GALNTL6: variants seen among roughly 807,000 people sequenced by gnomAD.
GALNTL6 encodes the protein polypeptide N-acetylgalactosaminyltransferase like 6.
Under a neutral mutation model 73.7 loss-of-function variants are expected in GALNTL6, and 46 were observed. The ratio of observed to expected loss-of-function variants is 0.62; its 90% CI spans 0.49 to 0.80. GALNTL6 has a LOEUF of 0.80. GALNTL6 is among the 30% of genes least tolerant of loss of function. The pLI, the probability that GALNTL6 is intolerant of heterozygous loss-of-function variation, is 0.00. For synonymous variants in GALNTL6, 259 were observed against 263.7 expected (o/e 0.98, Z 0.17); for missense variants, 604 against 755.0 (o/e 0.80, Z 2.34).
chr4:172,859,046 G>GA (rs67296281), intron 7 of GALNTL6, among the ~76,000 whole-genome samples: 65,855 of 139,830 alleles, frequency 0.47, 17,835 homozygotes, highest in East Asian at 0.8. Context: ...GAGTGGTCAG[G>GA]AAAAAAAAAA....
intron 3 of GALNTL6, among the ~76,000 whole-genome samples, chr4:172,246,451 C>A (rs1565557): frequency 0.52 from 78,230 of 151,860 alleles, 21,951 homozygotes; most frequent in East Asian, 0.86. Flanking sequence ...AGTTTACAAA[C>A]AAAGACATTA....
Position 172,527,291 on chromosome 4 carries a change from C to G in GALNTL6, c.553+178602C>G, listed in dbSNP as rs2110834712. On this transcript the variant is annotated intron_variant, in intron 5 of 12. Coordinates refer to ENST00000506823, the MANE Select transcript of GALNTL6 (RefSeq NM_001034845.3). ...TCCTACCAAGAGCCTTACCCTTCAT[C>G]TGATGGAATGGCTGATTGTAGACAC... 2.6e-5 allele frequency among the ~76,000 whole-genome samples: 4 copies of G among 152,262 alleles called. No individual in the cohort carries two copies. The Middle Eastern group carries it at 0.014, about 518-fold the overall frequency.
chr4:171,960,084 G>A (rs79520975), intron 2 of GALNTL6, among the ~76,000 whole-genome samples: 2,059 of 152,170 alleles, frequency 0.014, 52 homozygotes, highest in African/African-American at 0.047. Context: ...GTATGCAAAG[G>A]GAAACTACAG....
At chr4:172,382,277 C>CTT in intron 5 of GALNTL6, among the ~76,000 whole-genome samples, 1 of 142,280 alleles carries the variant, frequency 7.0e-6, no homozygotes, top group African/African-American at 2.6e-5. Context: ...CCAATATTGT[C>CTT]TTTTTTTTTT....
chr4:172,898,903 AGTTAT>A (rs772457303), intron 8 of GALNTL6, among the ~76,000 whole-genome samples: 1 of 152,186 alleles, frequency 6.6e-6, no homozygotes, highest in Non-Finnish European at 1.5e-5. Flanking sequence ...TGACCTAACC[AGTTAT>A]GTTATCTATA....
At chr4:172,718,880 A>G (rs1017857181) in intron 5 of GALNTL6, among the ~76,000 whole-genome samples, 2 of 152,180 alleles carry the variant, frequency 1.3e-5, no homozygotes, top group Admixed American at 6.5e-5. Context: ...TAGGAATAAG[A>G]GAATCTTCTT....
In GALNTL6 at chr4:171,853,769, G is replaced by A. The variant is rs182293576; in HGVS notation, c.138+39051G>A. ...TGGGACTACAGGTGCCCACCACCAC[G>A]CCCAGCTAATTTTTATATTTTTAGT... On this transcript the variant is annotated intron_variant, in intron 2 of 12. Coordinates refer to ENST00000506823, the MANE Select transcript of GALNTL6 (RefSeq NM_001034845.3). 9.5e-4 allele frequency among the ~76,000 whole-genome samples: 144 copies of A among 151,430 alleles called. 2 individuals carry two copies. Among genetic ancestry groups the A allele is most frequent in the African/African-American group, 2.9e-3 (121 of 41,312 alleles).
chr4:172,858,583 A>AC (rs980440547), intron 7 of GALNTL6, among the ~76,000 whole-genome samples: 1 of 152,176 alleles, frequency 6.6e-6, no homozygotes, highest in African/African-American at 2.4e-5. Flanking sequence ...TAATCTCAGC[A>AC]TTTTGGGAGG....
Position 172,219,119 on chromosome 4 carries a change from T to TAAA in GALNTL6, c.139-10531_139-10529dup, listed in dbSNP as rs60511127. On this transcript the variant is annotated intron_variant, in intron 2 of 12. Coordinates refer to ENST00000506823, the MANE Select transcript of GALNTL6 (RefSeq NM_001034845.3). ...TTTGGGAAGGCAGATAAATATATGT[T>TAAA]AAAAAAAAGCCAAATTAAAATGGAT... Among the ~76,000 whole-genome samples, 1,093 of 144,812 alleles carry TAAA rather than the reference T, an allele frequency of 7.5e-3. 15 individuals are homozygous for TAAA. Among genetic ancestry groups the TAAA allele is most frequent in the African/African-American group, 0.026 (1,039 of 39,244 alleles).
intron 5 of GALNTL6, among the ~76,000 whole-genome samples, chr4:172,423,769 C>T (rs541176562): frequency 6.6e-6 from 1 of 152,064 alleles, no homozygotes; most frequent in East Asian, 1.9e-4. Context: ...ATGCTTAGAA[C>T]CATGCATAGT....
chr4:171,902,557 G>A (rs1025704780), intron 2 of GALNTL6, among the ~76,000 whole-genome samples: 11 of 152,186 alleles, frequency 7.2e-5, no homozygotes, highest in Non-Finnish European at 1.3e-4. Context: ...ATGATGTATG[G>A]AAAGAGATTA....
At chr4:172,432,256 G>A (rs1731483838) in intron 5 of GALNTL6, among the ~76,000 whole-genome samples, 1 of 151,474 alleles carries the variant, frequency 6.6e-6, no homozygotes, top group Non-Finnish European at 1.5e-5. Flanking sequence ...AGGCTCACAG[G>A]AGAGTTATAT....
At chr4:172,977,720 G>C (rs879639339) in intron 10 of GALNTL6, among the ~76,000 whole-genome samples, 12 of 152,132 alleles carry the variant, frequency 7.9e-5, no homozygotes, top group Non-Finnish European at 1.6e-4. Context: ...AAGTGGGTGG[G>C]AAGAGGTGTT....
intron 3 of GALNTL6, among the ~76,000 whole-genome samples, chr4:172,287,692 T>C (rs1739312141): frequency 1.3e-5 from 2 of 152,248 alleles, no homozygotes; most frequent in South Asian, 4.1e-4. Context: ...CTTGAACACC[T>C]AGTTATTATC....
intron 2 of GALNTL6, among the ~76,000 whole-genome samples, chr4:171,975,009 A>G (rs2111070562): frequency 6.6e-6 from 1 of 152,202 alleles, no homozygotes; most frequent in East Asian, 1.9e-4. Context: ...TACCTCTGAC[A>G]TTTTTCTAGA....
At chr4:171,816,170 T>C (rs937579346) in intron 2 of GALNTL6, 2 of 152,132 alleles carry the variant, frequency 1.3e-5, no homozygotes, top group Non-Finnish European at 2.9e-5. Flanking sequence ...CTCCACTCCA[T>C]GCTGGTAAAA....
chr4:172,807,969 C>T (rs1440901352), intron 5 of GALNTL6, among the ~76,000 whole-genome samples: 2 of 152,110 alleles, frequency 1.3e-5, no homozygotes, highest in Non-Finnish European at 2.9e-5. Context: ...ATTACAGGCA[C>T]CTGCCACCAC....
chr4:172,806,475 A>G (rs1427411981), intron 5 of GALNTL6, among the ~76,000 whole-genome samples: 1 of 152,236 alleles, frequency 6.6e-6, no homozygotes, highest in African/African-American at 2.4e-5. Flanking sequence ...CAAAAGTCTA[A>G]ATCCAAAGTT....
At chr4:172,262,290 T>G (rs1738283852) in intron 3 of GALNTL6, among the ~76,000 whole-genome samples, 1 of 151,600 alleles carries the variant, frequency 6.6e-6, no homozygotes, top group Non-Finnish European at 1.5e-5. Context: ...GTAATTGTTT[T>G]ATAAATTTGG....
Sources: gnomAD v4.1 joint callset for allele counts (sites outside exome capture counted in the v4.1 genomes callset) on GRCh38, gnomAD v4.1.1 for gene constraint, MANE v1.5 for transcripts, NCBI Gene and HGNC (gene_info 2026-07-23, HGNC 2026-07-21) for gene names.